Variants in ENAH observed in about 807,000 individuals in gnomAD.
The protein encoded by ENAH is ENAH actin regulator.
A neutral mutation model predicts 78.7 loss-of-function variants in ENAH; 23 were observed. That is an observed-to-expected ratio of 0.29 (90% CI 0.21 to 0.41). The LOEUF is 0.41. Ranked by LOEUF, ENAH falls within the 10% of genes least tolerant of loss-of-function variation. The probability of loss-of-function intolerance (pLI) is 1.00; values close to 1 mark genes in which losing one functional copy is unlikely to be tolerated. For missense variants in ENAH, 544 were observed against 691.0 expected (o/e 0.79, Z 2.39); for synonymous variants, 226 against 241.0 (o/e 0.94, Z 0.58).
chr1:225,505,647 G>A (rs1411878824), intron 11 of ENAH, among the ~76,000 whole-genome samples: 3 of 137,578 alleles, frequency 2.2e-5, no homozygotes, highest in South Asian at 2.3e-4. Context: ...CTTGCTTTCC[G>A]AAGGAACAGG....
intron 1 of ENAH, among the ~76,000 whole-genome samples, chr1:225,593,856 T>G (rs1255882070): frequency 3.3e-5 from 5 of 152,226 alleles, no homozygotes; most frequent in Non-Finnish European, 7.3e-5. Context: ...GCTGCTTGAC[T>G]AGAAGGCCTT....
At chr1:225,575,592 G>A (rs760268289) in intron 1 of ENAH, among the ~76,000 whole-genome samples, 8 of 152,054 alleles carry the variant, frequency 5.3e-5, no homozygotes, top group Non-Finnish European at 7.4e-5. Flanking sequence ...GCAATAACAC[G>A]CCTTCCCCTC....
At position 225,507,977 on chromosome 1, in the gene ENAH, A is replaced by C; in HGVS notation, c.1512T>G (p.Asn504Lys). 1 of 1,564,684 alleles carries C rather than the reference A, an allele frequency of 6.4e-7. No homozygotes were observed. The highest frequency in any genetic ancestry group is 8.6e-7 in the Non-Finnish European group (1 of 1,164,286). ...TGGAGATAACAGGTGACTTGCTGCCATTCATTGTATTTGTTCTTTCCCAAG... is the reference window on the plus strand; with the variant it reads ...TGGAGATAACAGGTGACTTGCTGCCCTTCATTGTATTTGTTCTTTCCCAAG... Reference protein sequence around the residue: ...RKPWERTNTMNGSKSPVISRP... With the variant: ...RKPWERTNTMKGSKSPVISRP... Residue 504 changes from asparagine to lysine, a missense_variant, in exon 11 of 14, where the codon AAT becomes AAG. Coordinates refer to ENST00000366843, the MANE Select transcript of ENAH (RefSeq NM_018212.6).
intron 10 of ENAH, among the ~76,000 whole-genome samples, chr1:225,510,025 G>A (rs1238668003): frequency 4.6e-5 from 7 of 152,192 alleles, no homozygotes; most frequent in Non-Finnish European, 8.8e-5. Context: ...TTCAACAAGT[G>A]GTTGTAAAAA....
intron 1 of ENAH, among the ~76,000 whole-genome samples, chr1:225,611,575 C>G (rs2096989338): frequency 1.3e-5 from 2 of 152,114 alleles, no homozygotes; most frequent in Admixed American, 6.6e-5. Flanking sequence ...TGCCTCGAGC[C>G]TCCCAAAGTG....
At chr1:225,544,340 A>T (rs977337455) in intron 3 of ENAH, among the ~76,000 whole-genome samples, 3 of 152,232 alleles carry the variant, frequency 2.0e-5, no homozygotes, top group Non-Finnish European at 4.4e-5. Context: ...TGACATCCTC[A>T]GGTCATTGTA....
chr1:225,536,018 C>T (rs1396083418), intron 3 of ENAH, among the ~76,000 whole-genome samples: 1 of 151,972 alleles, frequency 6.6e-6, no homozygotes, highest in African/African-American at 2.4e-5. Context: ...TAACTCATTC[C>T]TACTAGTTGG....
At chr1:225,506,261 C>T (rs1177289391) in intron 11 of ENAH, among the ~76,000 whole-genome samples, 1 of 152,208 alleles carries the variant, frequency 6.6e-6, no homozygotes, top group African/African-American at 2.4e-5. Context: ...GATATCAGCT[C>T]ACTGCAACCT....
intron 12 of ENAH, among the ~76,000 whole-genome samples, chr1:225,500,705 T>C (rs1009518765): frequency 5.3e-5 from 8 of 152,202 alleles, no homozygotes; most frequent in African/African-American, 9.7e-5. Context: ...TAAAAGCCCA[T>C]TGTTTTCTTT....
At chr1:225,542,932 T>G (rs1032561280) in intron 3 of ENAH, among the ~76,000 whole-genome samples, 3 of 151,678 alleles carry the variant, frequency 2.0e-5, no homozygotes, top group African/African-American at 7.3e-5. Context: ...GGCAGGAGGA[T>G]CCTTTGAGTG....
intron 1 of ENAH, among the ~76,000 whole-genome samples, chr1:225,609,810 T>C (rs1215827560): frequency 6.6e-6 from 1 of 151,784 alleles, no homozygotes; most frequent in Non-Finnish European, 1.5e-5. Context: ...AGCACAGGCA[T>C]GCGCCACCAT....
chr1:225,501,463 T>A (rs1268295126), intron 11 of ENAH, among the ~76,000 whole-genome samples: 1 of 152,196 alleles, frequency 6.6e-6, no homozygotes, highest in Admixed American at 6.5e-5. Flanking sequence ...TTTTACATTA[T>A]CTACTTAAAT....
At chr1:225,533,711 T>C (rs2096548820) in intron 3 of ENAH, among the ~76,000 whole-genome samples, 1 of 152,116 alleles carries the variant, frequency 6.6e-6, no homozygotes. Flanking sequence ...CTATAAATGA[T>C]TAAAATCAGA....
chr1:225,541,764 C>T (rs2096590396), intron 3 of ENAH, among the ~76,000 whole-genome samples: 1 of 152,142 alleles, frequency 6.6e-6, no homozygotes, highest in African/African-American at 2.4e-5. Context: ...TTATAAATAG[C>T]ACACGACTTT....
intron 1 of ENAH, among the ~76,000 whole-genome samples, chr1:225,584,365 A>G (rs1357552893): frequency 6.6e-6 from 1 of 152,208 alleles, no homozygotes; most frequent in African/African-American, 2.4e-5. Flanking sequence ...GTAAATGGTA[A>G]AAGTGAAAGC....
intron 1 of ENAH, among the ~76,000 whole-genome samples, chr1:225,576,768 G>C (rs2096790268): frequency 6.6e-6 from 1 of 152,194 alleles, no homozygotes; most frequent in Non-Finnish European, 1.5e-5. Context: ...GCAAGCCAAG[G>C]AGACAGGCCT....
intron 1 of ENAH, among the ~76,000 whole-genome samples, chr1:225,647,003 C>T (rs1404616179): frequency 6.6e-6 from 1 of 150,744 alleles, no homozygotes; most frequent in African/African-American, 2.4e-5. Context: ...GAGGTGGGCG[C>T]ATCACGAGGT....
At chr1:225,629,521 A>T (rs1658600736) in intron 1 of ENAH, among the ~76,000 whole-genome samples, 1 of 151,030 alleles carries the variant, frequency 6.6e-6, no homozygotes, top group African/African-American at 2.4e-5. Flanking sequence ...TGGGAAGCGG[A>T]GGTTGCAGTG....
At chr1:225,499,342 T>C (rs1003252310) in intron 12 of ENAH, among the ~76,000 whole-genome samples, 3 of 151,910 alleles carry the variant, frequency 2.0e-5, no homozygotes, top group Non-Finnish European at 2.9e-5. Flanking sequence ...ACATTATACT[T>C]CTATTTAACT....
Sources: allele counts gnomAD v4.1 joint callset (sites outside exome capture counted in the v4.1 genomes callset), GRCh38; gene constraint gnomAD v4.1.1; transcripts MANE v1.5; gene names NCBI Gene and HGNC (gene_info 2026-07-23, HGNC 2026-07-21).